The following AARS1 variants were observed in gnomAD, a reference collection of about 807,000 sequenced individuals.
The protein encoded by AARS1 is alanine--tRNA ligase, cytoplasmic.
In AARS1, 72 loss-of-function variants were observed where a neutral mutation model predicts 108.9. The observed-to-expected ratio is 0.66, with a 90% CI of 0.55 to 0.80. The LOEUF (loss-of-function observed/expected upper bound fraction) is 0.80. Among genes scored for constraint, AARS1 ranks in the 30% least tolerant of loss-of-function variants. The pLI is 0.00. For synonymous variants in AARS1, 489 were observed against 465.7 expected (o/e 1.05, Z -0.64); for missense variants, 1,193 against 1,233.2 (o/e 0.97, Z 0.49).
chr16:70,269,077 A>G (rs897308058), intron 7 of AARS1, among the ~76,000 whole-genome samples: 1 of 152,006 alleles, frequency 6.6e-6, no homozygotes, highest in Non-Finnish European at 1.5e-5. Context: ...TAATCCCAGC[A>G]CTGTGGGAGG....
intron 4 of AARS1, among the ~76,000 whole-genome samples, chr16:70,273,885 A>AAAAAATTAGCC (rs1960472456): frequency 6.7e-6 from 1 of 150,222 alleles, no homozygotes; most frequent in Non-Finnish European, 1.5e-5. Flanking sequence ...AAAAAAAAAA[A>AAAAAATTAGCC]AAATTAGCCA....
At position 70,286,362 on chromosome 16, in the gene AARS1, A is replaced by ATTT. The variant is rs1000406265; in HGVS notation, c.-22+3056_-22+3058dup. ...CTGTGGCTCCAGCCACTCCACAGGAATTTTTTTTTTTTTTTTTTTTTTTTG... is the reference window on the plus strand; with the variant it reads ...CTGTGGCTCCAGCCACTCCACAGGAATTTTTTTTTTTTTTTTTTTTTTTTTTTG... On this transcript the variant is annotated intron_variant, in intron 1 of 20. Coordinates refer to ENST00000261772, the MANE Select transcript of AARS1 (RefSeq NM_001605.3). Among the ~76,000 whole-genome samples the ATTT allele has an allele frequency of 3.0e-3, 355 of 117,062 alleles. 7 individuals are homozygous for ATTT. The highest frequency in any genetic ancestry group is 0.01 in the African/African-American group (302 of 29,258). The allele number at this position is 117,062 out of a possible 152,430, so 76.8% of individuals were successfully genotyped here.
chr16:70,284,178 C>A (rs1037520090), intron 1 of AARS1, among the ~76,000 whole-genome samples: 1 of 151,892 alleles, frequency 6.6e-6, no homozygotes, highest in African/African-American at 2.4e-5. Context: ...TGGTGGCAGG[C>A]GCCTGTAGTC....
chr16:70,286,792 C>T (rs2152172770), intron 1 of AARS1, among the ~76,000 whole-genome samples: 1 of 151,604 alleles, frequency 6.6e-6, no homozygotes, highest in South Asian at 2.1e-4. Context: ...TTGCAATGAG[C>T]CAAGATCAAC....
chr16:70,275,216 C>T (rs1362235035), intron 4 of AARS1, among the ~76,000 whole-genome samples: 1 of 152,000 alleles, frequency 6.6e-6, no homozygotes, highest in Non-Finnish European at 1.5e-5. Flanking sequence ...GCCAAGATCG[C>T]ACCAGTGCAC....
At position 70,255,809 on chromosome 16, in the gene AARS1, T is replaced by A; in HGVS notation, c.2205A>T (p.Gly735=). The A allele has an allele frequency of 1.2e-6, 2 of 1,614,062 alleles. No homozygotes were observed. The highest frequency in any genetic ancestry group is 1.7e-6 in the Non-Finnish European group (2 of 1,179,984). Residue 735 remains glycine, a synonymous_variant, in exon 16 of 21, where the codon GGA becomes GGT. Coordinates refer to ENST00000261772, the MANE Select transcript of AARS1 (RefSeq NM_001605.3). ...GTHLRNSSHA[G]AFVIVTEEAI... ...CTTCTTCCGTCACGATCACAAAAGC[T>A]CCTGCATGACTCGAGTTCCGCAGGT...
At chr16:70,276,358 C>T in intron 4 of AARS1, 128 bp downstream of exon 4, 1 of 1,067,850 alleles carries the variant, frequency 9.4e-7, no homozygotes, top group Middle Eastern at 2.3e-4. Flanking sequence ...CCTCACTCCT[C>T]CCCATGTGCA....
In AARS1 at chr16:70,270,308, T is replaced by C. The variant is rs755350912; in HGVS notation, c.704A>G (p.Lys235Arg). 16 of 1,614,182 alleles carry C rather than the reference T, an allele frequency of 9.9e-6. No homozygotes were observed. The highest frequency in any genetic ancestry group is 3.3e-4 in the Middle Eastern group (2 of 6,062). The change falls in exon 6 of 21, where the codon AAG becomes AGG. Residue 235 changes from lysine to arginine, a missense_variant. Physicochemically the swap from Lys to Arg is conservative, Grantham distance 26. Transcript: ENST00000261772. ...GCCCATCCCTGTGTCAATGCTTTTC[T>C]TGGGAAGAGGTTTCAGAATGCCATC... ...EADGILKPLPKKSIDTGMGLE... is the reference protein window; with the variant it reads ...EADGILKPLPRKSIDTGMGLE...
At chr16:70,262,744 G>A (rs1032158216) in intron 11 of AARS1, among the ~76,000 whole-genome samples, 4 of 151,628 alleles carry the variant, frequency 2.6e-5, no homozygotes, top group African/African-American at 4.8e-5. Flanking sequence ...CGAGGCAGGC[G>A]GATCACGGGG....
At position 70,258,022 on chromosome 16, in the gene AARS1, G is replaced by A. The variant is rs760490353; in HGVS notation, c.2177+11C>T. On this transcript the variant is annotated intron_variant, in intron 15 of 20. Coordinates refer to ENST00000261772, the MANE Select transcript of AARS1 (RefSeq NM_001605.3). ...GATGACCTGTCTACTCTGCCCCTCT[G>A]CAGTACTCACGTTCCCCCACAGAAC... 7 of 1,614,032 alleles carry A rather than the reference G, an allele frequency of 4.3e-6. 1 individual carries two copies. The South Asian group carries it at 7.7e-5, about 18-fold the overall frequency.
At position 70,264,907 on chromosome 16, in the gene AARS1, C is replaced by T. The variant is rs757876343; in HGVS notation, c.1492+51G>A. On this transcript the variant is annotated intron_variant, in intron 11 of 20. Coordinates refer to ENST00000261772, the MANE Select transcript of AARS1 (RefSeq NM_001605.3). The stretch of plus-strand genomic sequence containing the variant: ...CTTGAGAAACAATCTTTCAAATACC[C>T]CCCAGATACGGGGCAGAATGCTCAG... 2.5e-6 allele frequency: 4 copies of T among 1,611,592 alleles called. No homozygotes were observed. The East Asian group carries it at 6.7e-5, about 27-fold the overall frequency.
intron 11 of AARS1, among the ~76,000 whole-genome samples, chr16:70,263,195 G>C (rs933846579): frequency 2.6e-5 from 4 of 152,084 alleles, no homozygotes; most frequent in African/African-American, 9.6e-5. Context: ...AGATCTTTAA[G>C]AGTAGTAATA....
Position 70,265,009 on chromosome 16 carries a change from T to C in AARS1, c.1441A>G (p.Thr481Ala). 6.2e-7 allele frequency: 1 copy of C among 1,614,206 alleles called. No individual in the cohort carries two copies. The highest frequency in any genetic ancestry group is 1.1e-5 in the South Asian group (1 of 91,084). ...TAATTGTACTTTGGGGAATCATCTG[T>C]GACCTCCAGACCCCGTGCCCGGAGC... ...EELRARGLEV[T>A]DDSPKYNYHL... Residue 481 changes from threonine to alanine, a missense_variant, in exon 11 of 21, where the codon ACA becomes GCA. Physicochemically the swap from Thr to Ala is moderately conservative, Grantham distance 58. Coordinates refer to ENST00000261772, the MANE Select transcript of AARS1 (RefSeq NM_001605.3).
intron 1 of AARS1, among the ~76,000 whole-genome samples, chr16:70,286,560 G>C (rs996892203): frequency 6.6e-6 from 1 of 152,108 alleles, no homozygotes; most frequent in Non-Finnish European, 1.5e-5. Context: ...TTTTGAGGCC[G>C]GGTAGGGTGG....
intron 2 of AARS1, among the ~76,000 whole-genome samples, chr16:70,280,879 G>A (rs574435670): frequency 6.6e-6 from 1 of 152,178 alleles, no homozygotes; most frequent in East Asian, 1.9e-4. Flanking sequence ...GCAGGCTGAA[G>A]TGCAGTGGTA....
rs750827192 is a variant in AARS1 at position 70,252,843 on chromosome 16, C to T, written c.2785G>A (p.Gly929Ser). The T allele has an allele frequency of 3.1e-6, 5 of 1,614,232 alleles. No individual in the cohort carries two copies. Among genetic ancestry groups the T allele is most frequent in the South Asian group, 2.2e-5 (2 of 91,082 alleles). ...GACACATCCTTGCCACCACCTTTAC[C>T]GTCCATCAAGCCTGACACCTGCTGC... ...WVQQVSGLMDGKGGGKDVSAQ... is the reference protein window; with the variant it reads ...WVQQVSGLMDSKGGGKDVSAQ... The change falls in exon 21 of 21, where the codon GGT becomes AGT. Residue 929 changes from glycine (G) to serine (S), a missense_variant. Coordinates refer to ENST00000261772, the MANE Select transcript of AARS1 (RefSeq NM_001605.3).
Position 70,276,590 on chromosome 16 carries a change from C to T in AARS1, c.375G>A (p.Glu125=). The change falls in exon 4 of 21, where the codon GAG becomes GAA. Residue 125 remains glutamate, a synonymous_variant. Coordinates refer to ENST00000261772, the MANE Select transcript of AARS1 (RefSeq NM_001605.3). The part of the protein sequence containing the change: ...CKMALELLTQ[E]FGIPIERLYV... Reference sequence around the variant, plus strand: ...AAAGTCTTTCAATGGGAATGCCAAACTCTTGGGTGAGGAGTTCCAGAGCCA... The same window carrying T: ...AAAGTCTTTCAATGGGAATGCCAAATTCTTGGGTGAGGAGTTCCAGAGCCA... 1 of 1,614,090 alleles carries T rather than the reference C, an allele frequency of 6.2e-7. No homozygotes were observed. Among genetic ancestry groups the T allele is most frequent in the Non-Finnish European group, 8.5e-7 (1 of 1,180,002 alleles).
At chr16:70,272,591 G>A (rs1162400727) in intron 4 of AARS1, among the ~76,000 whole-genome samples, 1 of 145,102 alleles carries the variant, frequency 6.9e-6, no homozygotes, top group Non-Finnish European at 1.5e-5. Flanking sequence ...ATAGAAGACA[G>A]TACAAAATAT....
chr16:70,275,775 A>C (rs1019430309), intron 4 of AARS1, among the ~76,000 whole-genome samples: 3 of 150,556 alleles, frequency 2.0e-5, no homozygotes, highest in Non-Finnish European at 3.0e-5. Context: ...ACAACAACAA[A>C]AATATATATA....
Sources: allele counts gnomAD v4.1 joint callset (sites outside exome capture counted in the v4.1 genomes callset), GRCh38; gene constraint gnomAD v4.1.1; transcripts MANE v1.5; gene names NCBI Gene and HGNC (gene_info 2026-07-23, HGNC 2026-07-21).